Variants in PDE11A observed in about 807,000 individuals in gnomAD.
PDE11A encodes dual 3',5'-cyclic-AMP and -GMP phosphodiesterase 11A.
Under a neutral mutation model 100.5 loss-of-function variants are expected in PDE11A, and 100 were observed. The ratio of observed to expected loss-of-function variants is 1.00; its 90% CI spans 0.85 to 1.18. The LOEUF (loss-of-function observed/expected upper bound fraction) is 1.18. Ranked by LOEUF, PDE11A falls within the 50% of genes most tolerant of loss-of-function variation. The pLI is 0.00. For missense variants in PDE11A, 1,141 were observed against 1,152.6 expected (o/e 0.99, Z 0.15); for synonymous variants, 381 against 420.8 (o/e 0.91, Z 1.16).
chr2:177,845,703 A>G (rs9677777), intron 5 of PDE11A, among the ~76,000 whole-genome samples: 147,972 of 152,030 alleles, frequency 0.97, 72,119 homozygotes, highest in Middle Eastern at 1. Flanking sequence ...AGGTTGTAGC[A>G]AGCCGAGATC....
intron 2 of PDE11A, among the ~76,000 whole-genome samples, chr2:177,955,164 T>C (rs2085546814): frequency 6.6e-6 from 1 of 152,216 alleles, no homozygotes; most frequent in African/African-American, 2.4e-5. Context: ...GTAGGAATAA[T>C]AATTCTGTAA....
intron 4 of PDE11A, 92 bp downstream of exon 4, chr2:177,897,966 T>A (rs2084635188): frequency 9.1e-7 from 1 of 1,101,918 alleles, no homozygotes; most frequent in South Asian, 1.2e-5. Context: ...GAAGAGTGAA[T>A]CAAGTCACAA....
At chr2:177,698,862 A>G (rs1209264506) in intron 14 of PDE11A, among the ~76,000 whole-genome samples, 1 of 152,162 alleles carries the variant, frequency 6.6e-6, no homozygotes, top group Non-Finnish European at 1.5e-5. Context: ...CCAATGATCA[A>G]TCACAGGCAG....
chr2:177,873,712 T>C (rs2084183617), intron 5 of PDE11A, among the ~76,000 whole-genome samples: 1 of 152,230 alleles, frequency 6.6e-6, no homozygotes. Context: ...ACTGATTTAC[T>C]TTCTCTTCCT....
intron 5 of PDE11A, among the ~76,000 whole-genome samples, chr2:177,840,766 G>A (rs1351217047): frequency 6.6e-6 from 1 of 152,114 alleles, no homozygotes; most frequent in Non-Finnish European, 1.5e-5. Context: ...TTGGCACAAG[G>A]AAGAATGAAA....
chr2:178,022,298 G>A (rs2086422685), intron 1 of PDE11A, among the ~76,000 whole-genome samples: 1 of 152,152 alleles, frequency 6.6e-6, no homozygotes, highest in South Asian at 2.1e-4. Flanking sequence ...CATATTTCTG[G>A]TGCAGATGTC....
intron 9 of PDE11A, among the ~76,000 whole-genome samples, chr2:177,792,086 C>G (rs950332382): frequency 6.6e-6 from 1 of 152,168 alleles, no homozygotes; most frequent in Non-Finnish European, 1.5e-5. Context: ...TAATTTATAA[C>G]TATTTCAAAA....
chr2:177,751,087 C>T (rs926091258), intron 10 of PDE11A, among the ~76,000 whole-genome samples: 3 of 151,422 alleles, frequency 2.0e-5, no homozygotes, highest in African/African-American at 4.9e-5. Context: ...CTTATGCATC[C>T]CAATTATCCC....
At chr2:178,068,374 A>T (rs1184368142) in intron 1 of PDE11A, among the ~76,000 whole-genome samples, 1 of 152,144 alleles carries the variant, frequency 6.6e-6, no homozygotes, top group African/African-American at 2.4e-5. Flanking sequence ...TTAGCATTTC[A>T]TTAAATATTC....
Position 177,703,133 on chromosome 2 carries a change from T to C in PDE11A, c.2154-1922A>G, listed in dbSNP as rs557012339. ...TCTAATAAGCTTACAGTAGTTACTA[T>C]GTCGAGAGATTACAGTTCAAGTTGG... On this transcript the variant is annotated intron_variant, in intron 13 of 19. Transcript: ENST00000286063. Among the ~76,000 whole-genome samples, 13 of 152,304 alleles carry C rather than the reference T, an allele frequency of 8.5e-5. No homozygotes were observed. In the South Asian group the frequency reaches 2.7e-3, roughly 32 times the overall value.
At chr2:177,822,483 T>G (rs1397370743) in intron 6 of PDE11A, among the ~76,000 whole-genome samples, 1 of 152,050 alleles carries the variant, frequency 6.6e-6, no homozygotes, top group Non-Finnish European at 1.5e-5. Flanking sequence ...CACACTGTCT[T>G]AAATAATACA....
At chr2:177,678,601 C>A (rs1342910900) in intron 16 of PDE11A, among the ~76,000 whole-genome samples, 2 of 152,060 alleles carry the variant, frequency 1.3e-5, no homozygotes, top group Non-Finnish European at 2.9e-5. Flanking sequence ...TTTTAAAATT[C>A]TCTACAGATG....
intron 10 of PDE11A, among the ~76,000 whole-genome samples, chr2:177,768,506 A>G (rs1219997378): frequency 1.3e-5 from 2 of 152,194 alleles, no homozygotes; most frequent in Non-Finnish European, 2.9e-5. Context: ...ACCTAAATAT[A>G]AAAAGGCAGG....
intron 1 of PDE11A, among the ~76,000 whole-genome samples, chr2:178,029,003 C>T (rs185417732): frequency 1.3e-5 from 2 of 152,278 alleles, no homozygotes; most frequent in East Asian, 1.9e-4. Flanking sequence ...CTTCAGATGG[C>T]ATTTCAAAAA....
intron 2 of PDE11A, among the ~76,000 whole-genome samples, chr2:178,004,701 T>C (rs2086184085): frequency 6.6e-6 from 1 of 152,200 alleles, no homozygotes; most frequent in Admixed American, 6.5e-5. Flanking sequence ...CTGTTTCAAG[T>C]CCTGCCAGCA....
chr2:177,896,205 G>C (rs765233696), intron 4 of PDE11A, among the ~76,000 whole-genome samples: 2 of 152,080 alleles, frequency 1.3e-5, no homozygotes, highest in Non-Finnish European at 2.9e-5. Flanking sequence ...GGTGTATTTT[G>C]ATCACTCCTC....
chr2:177,650,372 T>C (rs1055721607), intron 19 of PDE11A, among the ~76,000 whole-genome samples: 21 of 152,228 alleles, frequency 1.4e-4, no homozygotes, highest in Admixed American at 4.6e-4. Flanking sequence ...TGATGCAATG[T>C]AGCTTGTTAT....
chr2:177,702,796 G>A (rs1480940094), intron 13 of PDE11A: 3 of 151,880 alleles, frequency 2.0e-5, no homozygotes, highest in African/African-American at 4.8e-5. Flanking sequence ...GTAAAATATC[G>A]GAATTATTTT....
intron 13 of PDE11A, 30 bp downstream of exon 13, chr2:177,711,739 A>C: frequency 8.3e-7 from 1 of 1,202,224 alleles, no homozygotes; most frequent in Non-Finnish European, 1.2e-6. Flanking sequence ...AGGCAAATGC[A>C]TTAAAATAAC....
Sources: gnomAD v4.1 joint callset for allele counts (sites outside exome capture counted in the v4.1 genomes callset) on GRCh38, gnomAD v4.1.1 for gene constraint, MANE v1.5 for transcripts, NCBI Gene and HGNC (gene_info 2026-07-23, HGNC 2026-07-21) for gene names.